The following PRRG3 variants were observed in gnomAD, a reference collection of about 807,000 sequenced individuals.
The protein encoded by PRRG3 is transmembrane gamma-carboxyglutamic acid protein 3.
Under a neutral mutation model 15.8 loss-of-function variants are expected in PRRG3, and 21 were observed. The ratio of observed to expected loss-of-function variants is 1.33; its 90% CI spans 0.94 to 1.92. The LOEUF (loss-of-function observed/expected upper bound fraction) is 1.92, where lower values mean the gene tolerates loss of function less well. Among genes scored for constraint, PRRG3 ranks in the 40% most tolerant of loss-of-function variants. The pLI is 0.00. For synonymous variants in PRRG3, 125 were observed against 84.1 expected, an observed-to-expected ratio of 1.49 and a Z score of -2.66; for missense variants, 251 against 200.2, an observed-to-expected ratio of 1.25 and a Z score of -1.53.
rs55716425 is a variant in PRRG3, at chrX:151,703,912, TTGTGTGTGTG to T, written c.*2911_*2920del. On this transcript the variant is annotated 3_prime_UTR_variant, in exon 4 of 4. Coordinates refer to ENST00000674457, the MANE Select transcript of PRRG3 (RefSeq NM_001372163.1). ...TTTTTTTTTTTTTTTTTTTTTTTTT[TTGTGTGTGTG>T]TGTGTGTGTGTGTGTGTGTGTGTGT... 3.1e-4 allele frequency: 6 copies of T among 19,181 alleles called. No homozygotes were observed. The highest frequency in any genetic ancestry group is 7.5e-4 in the African/African-American group (4 of 5,339). 1.6% of individuals were successfully genotyped at this position (19,181 alleles called of 1,213,427 possible). A position where few individuals can be genotyped will look rare whatever the true frequency, so the allele number is the denominator to read the frequency against.
rs934028167 is a variant in PRRG3, at chrX:151,705,086, T to C, written c.*4053T>C. 4.9e-6 allele frequency: 1 copy of C among 205,276 alleles called. No individual in the cohort carries two copies. The highest frequency in any genetic ancestry group is 3.0e-5 in the African/African-American group (1 of 33,491). 16.9% of individuals were successfully genotyped at this position (205,276 alleles called of 1,213,427 possible). A position where few individuals can be genotyped will look rare whatever the true frequency, so the allele number is the denominator to read the frequency against. On this transcript the variant is annotated 3_prime_UTR_variant, in exon 4 of 4. Coordinates refer to ENST00000674457, the MANE Select transcript of PRRG3 (RefSeq NM_001372163.1). ...AGGATCCCTTCACCGTGCCTTCAGCTTTGCAGTTCAGCACTTCTCGTATGT... is the reference window on the plus strand; with the variant it reads ...AGGATCCCTTCACCGTGCCTTCAGCCTTGCAGTTCAGCACTTCTCGTATGT...
rs1281177283 is a variant in PRRG3 at position 151,700,802 on chromosome X, C to T, written c.465C>T (p.Pro155=). Residue 155 remains proline (P), a synonymous_variant, in exon 4 of 4, where the codon CCC becomes CCT. Coordinates refer to ENST00000674457, the MANE Select transcript of PRRG3 (RefSeq NM_001372163.1). The part of the protein sequence containing the change: ...PSGHREAANS[P]QVVLGPSRGG... ...GGCACCGAGAGGCAGCGAACAGCCC[C>T]CAGGTGGTGCTGGGGCCCAGTCGGG... 1 of 1,193,979 alleles carries T rather than the reference C, an allele frequency of 8.4e-7. No homozygotes were observed.
intron 1 of PRRG3, 43 bp from the exon 2 acceptor site, chrX:151,698,741 C>T (rs745351329): frequency 9.5e-7 from 1 of 1,053,980 alleles, no homozygotes; most frequent in African/African-American, 1.8e-5. Context: ...CTGTAAATTT[C>T]TAGATGTGGT....
chrX:151,698,518 T>C, intron 1 of PRRG3: 1 of 257,245 alleles, frequency 3.9e-6, no homozygotes, highest in Non-Finnish European at 6.9e-6. Context: ...TTCTTATAGA[T>C]GCTCAGAACA....
At chrX:151,700,190 G>C in intron 3 of PRRG3, 34 bp downstream of exon 3, 1 of 1,211,691 alleles carries the variant, frequency 8.3e-7, no homozygotes, top group Non-Finnish European at 1.1e-6. Flanking sequence ...TCTGGGAGTA[G>C]GAGTAGCCTC....
In PRRG3 at chrX:151,701,039, C is replaced by T. The variant is rs769116612; in HGVS notation, c.*6C>T. On this transcript the variant is annotated 3_prime_UTR_variant, in exon 4 of 4. Transcript: ENST00000674457. ...ACCCTGGCGCTGACAAGTAGTGGGA[C>T]GTTTGTGCCCTGTCCTGGATGAACG... 13 of 1,125,554 alleles carry T rather than the reference C, an allele frequency of 1.2e-5. No individual in the cohort carries two copies. The highest frequency in any genetic ancestry group is 5.0e-5 in the South Asian group (2 of 40,364). 92.8% of individuals were successfully genotyped at this position (1,125,554 alleles called of 1,213,427 possible).
At chrX:151,699,528 T>C (rs6627446) in intron 2 of PRRG3, among the ~76,000 whole-genome samples, 40,779 of 111,143 alleles carry the variant, frequency 0.37, 5,735 homozygotes, top group East Asian at 0.78. Flanking sequence ...AACACCACCC[T>C]GGTAGAGTCT....
Position 151,700,489 on chromosome X carries a change from C to G in PRRG3, c.169-17C>G, listed in dbSNP as rs2014849675. 1 of 1,168,328 alleles carries G rather than the reference C, an allele frequency of 8.6e-7. No homozygotes were observed. The highest frequency in any genetic ancestry group is 3.0e-5 in the East Asian group (1 of 33,244). ...TGGAGCTTGAGCTTCTCTTAAGTAC[C>G]ACTTTTTCTTTTGCAGATGGAGTTC... On this transcript the variant is annotated splice_polypyrimidine_tract_variant and intron_variant, in intron 3 of 3. Coordinates refer to ENST00000674457, the MANE Select transcript of PRRG3 (RefSeq NM_001372163.1).
intron 2 of PRRG3, among the ~76,000 whole-genome samples, chrX:151,699,141 C>G (rs1242577476): frequency 8.9e-6 from 1 of 112,867 alleles, no homozygotes; most frequent in East Asian, 2.8e-4. Flanking sequence ...TACATGGGAA[C>G]CAGGAAGTCC....
intron 1 of PRRG3, among the ~76,000 whole-genome samples, chrX:151,697,538 G>A (rs184335511): frequency 2.4e-4 from 27 of 111,668 alleles, no homozygotes; most frequent in Admixed American, 2.3e-3. Flanking sequence ...ATAGGACACT[G>A]GAAACATAAA....
intron 3 of PRRG3, 77 bp downstream of exon 3, chrX:151,700,233 A>G: frequency 8.3e-7 from 1 of 1,204,611 alleles, no homozygotes; most frequent in Non-Finnish European, 1.1e-6. Context: ...GGTAATGCAG[A>G]CCAATCAGAA....
chrX:151,699,848 A>G, intron 2 of PRRG3, 148 bp from the exon 3 acceptor site: 1 of 548,212 alleles, frequency 1.8e-6, no homozygotes, highest in Non-Finnish European at 2.9e-6. Context: ...AGGGCCGGCC[A>G]TGTCCTTTGA....
In PRRG3 at chrX:151,697,098, C is replaced by T. The variant is rs199541704; in HGVS notation, c.-32+1554C>T. ...CCTTCTCCTTCCTTCCTTCCTTCCT[C>T]CCTCCCTCCCTTCCTTCCTCCCTCC... On this transcript the variant is annotated intron_variant, in intron 1 of 3. Transcript: ENST00000674457. Among the ~76,000 whole-genome samples the T allele has an allele frequency of 8.1e-3, 331 of 40,851 alleles. 2 individuals are homozygous for T. Among genetic ancestry groups the T allele is most frequent in the East Asian group, 0.033 (9 of 275 alleles). 35.5% of individuals were successfully genotyped at this position (40,851 alleles called of 115,157 possible). A position where few individuals can be genotyped will look rare whatever the true frequency, so the allele number is the denominator to read the frequency against.
intron 2 of PRRG3, among the ~76,000 whole-genome samples, chrX:151,699,509 A>G (rs76831520): frequency 0.066 from 7,425 of 111,947 alleles, 303 homozygotes; most frequent in African/African-American, 0.15. Context: ...GTGGATGTTC[A>G]GGTGGAGGAA....
Position 151,705,458 on chromosome X carries a change from C to T in PRRG3, c.*4425C>T. 3.0e-6 allele frequency: 1 copy of T among 330,091 alleles called. No homozygotes were observed. The highest frequency in any genetic ancestry group is 2.8e-5 in the South Asian group (1 of 36,168). 27.2% of individuals were successfully genotyped at this position (330,091 alleles called of 1,213,427 possible). A position where few individuals can be genotyped will look rare whatever the true frequency, so the allele number is the denominator to read the frequency against. On this transcript the variant is annotated 3_prime_UTR_variant, in exon 4 of 4. Coordinates refer to ENST00000674457, the MANE Select transcript of PRRG3 (RefSeq NM_001372163.1). Reference sequence around the variant, plus strand: ...GTTTCACTGTACTGATATCTGACTGCTGAACAGTGCCTGCCCTTCACCCAC... The same window carrying T: ...GTTTCACTGTACTGATATCTGACTGTTGAACAGTGCCTGCCCTTCACCCAC...
Position 151,701,192 on chromosome X carries a change from C to A in PRRG3, c.*159C>A. ...GTTTTAGGAAGTCAGTTGTCAGAGA[C>A]AGGTGGGGAGGGTGGGGGTAGGGAC... is the stretch of plus-strand genomic sequence containing the variant. On this transcript the variant is annotated 3_prime_UTR_variant, in exon 4 of 4. Transcript: ENST00000674457. 1 of 489,497 alleles carries A rather than the reference C, an allele frequency of 2.0e-6. No homozygotes were observed. Among genetic ancestry groups the A allele is most frequent in the Non-Finnish European group, 3.0e-6 (1 of 333,017 alleles). 40.3% of individuals were successfully genotyped at this position (489,497 alleles called of 1,213,427 possible). A position where few individuals can be genotyped will look rare whatever the true frequency, so the allele number is the denominator to read the frequency against.
intron 2 of PRRG3, 37 bp from the exon 3 acceptor site, chrX:151,699,959 C>T (rs769118343): frequency 8.7e-7 from 1 of 1,153,277 alleles, no homozygotes. Context: ...CCCTGGGCAT[C>T]TCCCCATTCC....
Position 151,700,912 on chromosome X carries a change from C to T in PRRG3, c.575C>T (p.Pro192Leu), listed in dbSNP as rs746260075. 14 of 1,210,826 alleles carry T rather than the reference C, an allele frequency of 1.2e-5. No homozygotes were observed. The highest frequency in any genetic ancestry group is 1.7e-5 in the African/African-American group (1 of 57,615). ...LSRLSSTTPP[P>L]SYEEVTAPQE... ...AGACTGTCCAGCACCACCCCTCCCCCCTCCTACGAGGAGGTGACTGCGCCC... is the reference window on the plus strand; with the variant it reads ...AGACTGTCCAGCACCACCCCTCCCCTCTCCTACGAGGAGGTGACTGCGCCC... The change falls in exon 4 of 4, where the codon CCC becomes CTC. Residue 192 changes from proline to leucine, a missense_variant. Coordinates refer to ENST00000674457, the MANE Select transcript of PRRG3 (RefSeq NM_001372163.1).
At position 151,705,709 on chromosome X, in the gene PRRG3, T is replaced by A; in HGVS notation, c.*4676T>A. ...GATTAATTTTGATACCACTTTAAAC[T>A]GTGCTTGTATTCATGTGTTGACCCT... is the stretch of plus-strand genomic sequence containing the variant. On this transcript the variant is annotated 3_prime_UTR_variant, in exon 4 of 4. Transcript: ENST00000674457. 1 of 143,611 alleles carries A rather than the reference T, an allele frequency of 7.0e-6. No homozygotes were observed. The highest frequency in any genetic ancestry group is 1.4e-5 in the Non-Finnish European group (1 of 72,048). 11.8% of individuals were successfully genotyped at this position (143,611 alleles called of 1,213,427 possible).
Sources: gnomAD v4.1 joint callset for allele counts (sites outside exome capture counted in the v4.1 genomes callset) on GRCh38, gnomAD v4.1.1 for gene constraint, MANE v1.5 for transcripts, NCBI Gene and HGNC (gene_info 2026-07-23, HGNC 2026-07-21) for gene names.